SORCS3: variants seen among roughly 807,000 people sequenced by gnomAD.
SORCS3 encodes the protein VPS10 domain-containing receptor SorCS3.
SORCS3 carries 57 observed loss-of-function variants against 146.3 expected under a neutral mutation model. That is an observed-to-expected ratio of 0.39 (90% CI 0.31 to 0.49). The LOEUF (loss-of-function observed/expected upper bound fraction) is 0.49, where lower values mean the gene tolerates loss of function less well. Ranked by LOEUF, SORCS3 falls within the 20% of genes least tolerant of loss-of-function variation. The pLI is 0.92. For synonymous variants in SORCS3, 653 were observed against 618.5 expected, an observed-to-expected ratio of 1.06 and a Z score of -0.83; for missense variants, 1,341 against 1,575.5, an observed-to-expected ratio of 0.85 and a Z score of 2.52.
chr10:104,917,371 T>G lies in SORCS3; in HGVS notation c.795+1439T>G, dbSNP rs186388523. ...TCTTTTAATTTGTTTATTTTAAAAT[T>G]AACATATAACATTGTATGTGTTTAT... On this transcript the variant is annotated intron_variant, in intron 3 of 26. Transcript: ENST00000369701. Among the ~76,000 whole-genome samples, 123 of 152,356 alleles carry G rather than the reference T, an allele frequency of 8.1e-4. 2 individuals carry two copies. Among genetic ancestry groups the G allele is most frequent in the Admixed American group, 8.0e-3 (122 of 15,304 alleles).
Position 105,214,529 on chromosome 10 carries a change from T to C in SORCS3, c.2463T>C (p.Pro821=). 6.2e-7 allele frequency: 1 copy of C among 1,613,696 alleles called. No individual in the cohort carries two copies. The highest frequency in any genetic ancestry group is 8.5e-7 in the Non-Finnish European group (1 of 1,179,832). ...CCCAGATGTGCCCTGGAAAAGCCCC[T>C]CGGGGCCTCCATGTGGTGACGACCG... The part of the protein sequence containing the change: ...AKAQMCPGKA[P]RGLHVVTTDG... Residue 821 remains proline (P), a synonymous_variant, in exon 18 of 27, where the codon CCT becomes CCC. Transcript: ENST00000369701.
intron 1 of SORCS3, among the ~76,000 whole-genome samples, chr10:104,732,982 G>T (rs2016725415): frequency 6.6e-6 from 1 of 152,190 alleles, no homozygotes; most frequent in Non-Finnish European, 1.5e-5. Context: ...CAGTGGAGGT[G>T]GGAGCCCAGT....
At chr10:104,803,557 T>A (rs894900415) in intron 1 of SORCS3, among the ~76,000 whole-genome samples, 4 of 152,242 alleles carry the variant, frequency 2.6e-5, no homozygotes, top group African/African-American at 9.6e-5. Context: ...TTTCCTGGGC[T>A]GAAATATTTT....
At chr10:105,192,039 A>G (rs952290018) in intron 14 of SORCS3, among the ~76,000 whole-genome samples, 38 of 145,320 alleles carry the variant, frequency 2.6e-4, no homozygotes, top group African/African-American at 9.4e-4. Flanking sequence ...GGTGATGAAA[A>G]CAAAGAATAA....
At chr10:105,103,236 G>A (rs1486898764) in intron 6 of SORCS3, among the ~76,000 whole-genome samples, 1 of 152,140 alleles carries the variant, frequency 6.6e-6, no homozygotes, top group African/African-American at 2.4e-5. Context: ...CCCTGACACT[G>A]AGACCTTGTG....
intron 1 of SORCS3, among the ~76,000 whole-genome samples, chr10:104,687,564 A>T (rs1398910096): frequency 2.6e-5 from 4 of 152,118 alleles, no homozygotes; most frequent in Admixed American, 2.6e-4. Context: ...CACTGGGGGT[A>T]GGGGTAGGGG....
intron 1 of SORCS3, among the ~76,000 whole-genome samples, chr10:104,721,852 G>T (rs1373484172): frequency 3.3e-5 from 5 of 152,200 alleles, no homozygotes; most frequent in African/African-American, 1.2e-4. Context: ...CACTTAAGTT[G>T]CCTATCAGCT....
At chr10:104,854,906 G>A (rs909888236) in intron 2 of SORCS3, among the ~76,000 whole-genome samples, 1 of 151,986 alleles carries the variant, frequency 6.6e-6, no homozygotes, top group Non-Finnish European at 1.5e-5. Context: ...CCCTTTTATT[G>A]ACAAGTAGTA....
chr10:105,032,960 A>G lies in SORCS3; in HGVS notation c.955-10095A>G, dbSNP rs56375433. On this transcript the variant is annotated intron_variant, in intron 4 of 26. Coordinates refer to ENST00000369701, the MANE Select transcript of SORCS3 (RefSeq NM_014978.3). ...GAGTATCAGTTTTTGTTCAAAGGGTATGGCTTAATATGAGATATTTATGAA... is the reference window on the plus strand; with the variant it reads ...GAGTATCAGTTTTTGTTCAAAGGGTGTGGCTTAATATGAGATATTTATGAA... Among the ~76,000 whole-genome samples the G allele has an allele frequency of 2.4e-3, 371 of 152,308 alleles. 1 individual carries two copies. The highest frequency in any genetic ancestry group is 7.1e-3 in the Admixed American group (108 of 15,300).
chr10:105,110,303 C>T (rs753954735), intron 7 of SORCS3, among the ~76,000 whole-genome samples: 10 of 151,962 alleles, frequency 6.6e-5, no homozygotes, highest in Non-Finnish European at 1.2e-4. Flanking sequence ...AGCTCTTCAT[C>T]ATACAGGTTA....
chr10:105,203,182 A>G (rs138093803), intron 16 of SORCS3, among the ~76,000 whole-genome samples: 201 of 152,336 alleles, frequency 1.3e-3, no homozygotes, highest in African/African-American at 4.7e-3. Context: ...ACTCATACCT[A>G]GGAAAGCATG....
intron 5 of SORCS3, among the ~76,000 whole-genome samples, chr10:105,066,945 C>T (rs1287244767): frequency 2.0e-5 from 3 of 152,156 alleles, no homozygotes; most frequent in African/African-American, 7.2e-5. Context: ...TTGCTCTTTC[C>T]CCCTATTTCT....
intron 1 of SORCS3, among the ~76,000 whole-genome samples, chr10:104,784,556 A>G (rs2017410379): frequency 6.6e-6 from 1 of 152,236 alleles, no homozygotes; most frequent in South Asian, 2.1e-4. Context: ...GCACCCAGAT[A>G]GTAATTCCCT....
chr10:105,177,590 C>T (rs1403067691), intron 13 of SORCS3, among the ~76,000 whole-genome samples: 1 of 152,130 alleles, frequency 6.6e-6, no homozygotes, highest in African/African-American at 2.4e-5. Context: ...TAAAGTGGCA[C>T]TGGGGAGGGA....
intron 7 of SORCS3, among the ~76,000 whole-genome samples, chr10:105,134,098 T>G: frequency 6.6e-6 from 1 of 152,228 alleles, no homozygotes; most frequent in African/African-American, 2.4e-5. Flanking sequence ...CAAGATAATC[T>G]ATTGTGTTAT....
intron 13 of SORCS3, among the ~76,000 whole-genome samples, chr10:105,175,098 A>C (rs2056388777): frequency 6.6e-6 from 1 of 152,094 alleles, no homozygotes; most frequent in South Asian, 2.1e-4. Context: ...CCCAGGCTGG[A>C]GTGCAATGGC....
intron 4 of SORCS3, among the ~76,000 whole-genome samples, chr10:105,037,840 T>A (rs756973843): frequency 1.3e-5 from 2 of 152,242 alleles, no homozygotes; most frequent in African/African-American, 4.8e-5. Context: ...TGATCTCATA[T>A]TATTCTTTGA....
chr10:104,914,996 G>A (rs1375872174), intron 2 of SORCS3, among the ~76,000 whole-genome samples: 1 of 151,060 alleles, frequency 6.6e-6, no homozygotes. Context: ...AGGGAGGGAG[G>A]TCTCTGTGGG....
chr10:105,114,973 G>A (rs2055883590), intron 7 of SORCS3, among the ~76,000 whole-genome samples: 1 of 152,064 alleles, frequency 6.6e-6, no homozygotes, highest in African/African-American at 2.4e-5. Flanking sequence ...ATAAAGTGTT[G>A]GGAGATGTTC....
Sources: gnomAD v4.1 joint callset for allele counts (sites outside exome capture counted in the v4.1 genomes callset) on GRCh38, gnomAD v4.1.1 for gene constraint, MANE v1.5 for transcripts, NCBI Gene and HGNC (gene_info 2026-07-23, HGNC 2026-07-21) for gene names.